Variants in GLIS3 observed in about 807,000 individuals in gnomAD.
GLIS3 encodes the protein zinc finger protein GLIS3.
A neutral mutation model predicts 78.6 loss-of-function variants in GLIS3; 53 were observed. That is an observed-to-expected ratio of 0.67 (90% CI 0.54 to 0.85). The LOEUF (loss-of-function observed/expected upper bound fraction) is 0.85. GLIS3 is among the 40% of genes least tolerant of loss of function. The probability of loss-of-function intolerance (pLI) is 0.00; values close to 1 mark genes in which losing one functional copy is unlikely to be tolerated. For synonymous variants in GLIS3, 684 were observed against 509.9 expected (o/e 1.34, Z -4.60); for missense variants, 1,703 against 1,231.1 (o/e 1.38, Z -5.74).
the GLIS3 span, among the ~76,000 whole-genome samples, chr9:4,363,359 G>A: frequency 2.6e-5 from 4 of 152,266 alleles, no homozygotes; most frequent in East Asian, 1.9e-4. Context: ...TGAGGCAGAG[G>A]TTGCAGTGAG....
intron 2 of GLIS3, among the ~76,000 whole-genome samples, chr9:4,218,657 C>T (rs1821065727): frequency 6.6e-6 from 1 of 152,180 alleles, no homozygotes; most frequent in African/African-American, 2.4e-5. Context: ...TCCTATGGAG[C>T]ACTTGAGATG....
At chr9:4,090,572 G>A (rs1398120000) in intron 4 of GLIS3, among the ~76,000 whole-genome samples, 1 of 152,246 alleles carries the variant, frequency 6.6e-6, no homozygotes, top group South Asian at 2.1e-4. Context: ...GGACCACCTG[G>A]TCCAAGACAC....
At chr9:4,412,363 C>G in the GLIS3 span, among the ~76,000 whole-genome samples, 2 of 152,164 alleles carry the variant, frequency 1.3e-5, no homozygotes, top group Non-Finnish European at 2.9e-5. Context: ...AAGTTTAGAT[C>G]TTGAAGCAGA....
chr9:4,420,496 G>A, the GLIS3 span, among the ~76,000 whole-genome samples: 1 of 152,138 alleles, frequency 6.6e-6, no homozygotes, highest in Non-Finnish European at 1.5e-5. Context: ...TCACCACTTA[G>A]TATCACGTTA....
the GLIS3 span, among the ~76,000 whole-genome samples, chr9:4,422,440 G>C: frequency 6.6e-6 from 1 of 152,222 alleles, no homozygotes; most frequent in African/African-American, 2.4e-5. Context: ...ATGATAAAAA[G>C]AAGACATGGT....
At chr9:3,954,453 C>T (rs12349531) in intron 4 of GLIS3, among the ~76,000 whole-genome samples, 4,171 of 152,190 alleles carry the variant, frequency 0.027, 186 homozygotes, top group African/African-American at 0.095. Context: ...ATAGCTGCCC[C>T]GTGGTTAAAG....
intron 2 of GLIS3, among the ~76,000 whole-genome samples, chr9:4,335,406 G>T (rs141888783): frequency 4.6e-5 from 7 of 152,176 alleles, no homozygotes; most frequent in African/African-American, 1.7e-4. Flanking sequence ...TCAGTTGCTC[G>T]TAAACTTGCC....
chr9:4,050,617 T>TA (rs1475327666), intron 4 of GLIS3, among the ~76,000 whole-genome samples: 5 of 151,602 alleles, frequency 3.3e-5, no homozygotes, highest in Admixed American at 6.6e-5. Flanking sequence ...AAAGTAATTT[T>TA]AAAAAAATCT....
At chr9:3,953,083 G>A (rs1816810408) in intron 4 of GLIS3, among the ~76,000 whole-genome samples, 1 of 152,106 alleles carries the variant, frequency 6.6e-6, no homozygotes, top group Admixed American at 6.6e-5. Context: ...TTTTTTCTGG[G>A]ATTTGAGGGA....
At chr9:4,355,263 G>A in the GLIS3 span, among the ~76,000 whole-genome samples, 3 of 152,186 alleles carry the variant, frequency 2.0e-5, no homozygotes, top group African/African-American at 7.2e-5. Flanking sequence ...CTTGGCGGCT[G>A]TGTGACTATC....
At chr9:4,377,746 TC>T in the GLIS3 span, among the ~76,000 whole-genome samples, 16 of 152,274 alleles carry the variant, frequency 1.1e-4, no homozygotes, top group African/African-American at 3.8e-4. Flanking sequence ...TATTATTTTT[TC>T]ATTATTAGAC....
At chr9:4,007,234 G>T (rs1200295663) in intron 4 of GLIS3, among the ~76,000 whole-genome samples, 1 of 152,068 alleles carries the variant, frequency 6.6e-6, no homozygotes, top group Non-Finnish European at 1.5e-5. Flanking sequence ...TAAAATAGGG[G>T]GGACATCAGG....
chr9:4,158,093 C>T (rs1297327559), intron 2 of GLIS3, among the ~76,000 whole-genome samples: 1 of 152,170 alleles, frequency 6.6e-6, no homozygotes, highest in Non-Finnish European at 1.5e-5. Flanking sequence ...CTCATCCACA[C>T]ATATTTTCTT....
chr9:3,836,952 T>A (rs1818390762), intron 9 of GLIS3, among the ~76,000 whole-genome samples: 2 of 152,202 alleles, frequency 1.3e-5, no homozygotes, highest in South Asian at 4.1e-4. Context: ...CAATCCTGGA[T>A]CTGGAGGACC....
intron 2 of GLIS3, among the ~76,000 whole-genome samples, chr9:4,163,244 GCACA>G (rs59165297): frequency 0.07 from 10,604 of 151,638 alleles, 540 homozygotes; most frequent in African/African-American, 0.15. Context: ...ATGTGCACTG[GCACA>G]CACACACACA....
chr9:3,966,633 A>G (rs145801151), intron 4 of GLIS3, among the ~76,000 whole-genome samples: 1 of 152,150 alleles, frequency 6.6e-6, no homozygotes, highest in Non-Finnish European at 1.5e-5. Flanking sequence ...TGTCTCTACT[A>G]AAACTACAAA....
chr9:4,214,393 C>T (rs779786811), intron 2 of GLIS3, among the ~76,000 whole-genome samples: 4 of 152,142 alleles, frequency 2.6e-5, no homozygotes, highest in Non-Finnish European at 5.9e-5. Flanking sequence ...CAACATGTGT[C>T]GGAATCAGCA....
chr9:3,879,322 C>T (rs998072159), intron 8 of GLIS3, 105 bp downstream of exon 8: 9 of 1,117,362 alleles, frequency 8.1e-6, no homozygotes, highest in South Asian at 2.5e-5. Flanking sequence ...GGTAACTCAA[C>T]CCACCAACGG....
the GLIS3 span, among the ~76,000 whole-genome samples, chr9:4,401,803 C>T: frequency 2.0e-5 from 3 of 151,964 alleles, no homozygotes; most frequent in African/African-American, 7.3e-5. Flanking sequence ...ACCATGTTGC[C>T]CAGGCTGGTG....
Sources: gnomAD v4.1 joint callset for allele counts (sites outside exome capture counted in the v4.1 genomes callset) on GRCh38, gnomAD v4.1.1 for gene constraint, MANE v1.5 for transcripts, NCBI Gene and HGNC (gene_info 2026-07-23, HGNC 2026-07-21) for gene names.